DGKB: variants seen among roughly 807,000 people sequenced by gnomAD.
DGKB encodes the protein diacylglycerol kinase beta, also known as 90 kDa diacylglycerol kinase.
A neutral mutation model predicts 114.3 loss-of-function variants in DGKB; 67 were observed. The observed-to-expected ratio is 0.59, with a 90% confidence interval of 0.48 to 0.72. The LOEUF (loss-of-function observed/expected upper bound fraction) is 0.72, where lower values mean the gene tolerates loss of function less well. DGKB is among the 30% of genes least tolerant of loss of function. DGKB has a pLI of 0.00. For missense variants in DGKB, 907 were observed against 975.2 expected (o/e 0.93, Z 0.93); for synonymous variants, 398 against 323.1 (o/e 1.23, Z -2.49).
At chr7:14,324,901 C>T (rs974123830) in intron 23 of DGKB, among the ~76,000 whole-genome samples, 7 of 152,130 alleles carry the variant, frequency 4.6e-5, no homozygotes, top group African/African-American at 1.7e-4. Context: ...TAAACAAAAT[C>T]ATAGAACTCT....
intron 23 of DGKB, among the ~76,000 whole-genome samples, chr7:14,270,842 G>A (rs538537332): frequency 1.3e-5 from 2 of 152,042 alleles, no homozygotes. Flanking sequence ...AGGGGGGTGG[G>A]GTAGAAGGGT....
At chr7:14,615,692 C>T (rs1296747426) in intron 15 of DGKB, among the ~76,000 whole-genome samples, 1 of 151,708 alleles carries the variant, frequency 6.6e-6, no homozygotes. Context: ...AATCAATTAG[C>T]AACCATTATT....
intron 21 of DGKB, among the ~76,000 whole-genome samples, chr7:14,433,779 A>AT (rs1357383220): frequency 1.3e-5 from 2 of 151,776 alleles, no homozygotes; most frequent in African/African-American, 2.4e-5. Context: ...TGGATTTCAC[A>AT]TTTTTTTCTG....
chr7:14,397,708 T>C (rs12699614), intron 21 of DGKB, among the ~76,000 whole-genome samples: 16,507 of 152,158 alleles, frequency 0.11, 1,082 homozygotes, highest in East Asian at 0.24. Context: ...CACTTTTGTT[T>C]GGTTACGTTT....
At chr7:14,285,341 C>A (rs1327218853) in intron 23 of DGKB, among the ~76,000 whole-genome samples, 1 of 152,096 alleles carries the variant, frequency 6.6e-6, no homozygotes, top group Non-Finnish European at 1.5e-5. Context: ...AATAGAGGGG[C>A]TACAAATTAC....
chr7:14,423,692 A>G (rs1162009795), intron 21 of DGKB, among the ~76,000 whole-genome samples: 2 of 152,140 alleles, frequency 1.3e-5, no homozygotes, highest in African/African-American at 2.4e-5. Flanking sequence ...CGAAGTTAAC[A>G]GAGATAATTG....
At chr7:14,276,625 A>C (rs2128444391) in intron 23 of DGKB, among the ~76,000 whole-genome samples, 1 of 152,052 alleles carries the variant, frequency 6.6e-6, no homozygotes, top group East Asian at 1.9e-4. Flanking sequence ...ATCATGCCTA[A>C]ATTGCATTAC....
chr7:14,450,090 A>T (rs997367402), intron 21 of DGKB, among the ~76,000 whole-genome samples: 12 of 152,100 alleles, frequency 7.9e-5, no homozygotes, highest in African/African-American at 2.4e-4. Context: ...ATTAAAAAAA[A>T]ATAAGCTATG....
At chr7:14,296,037 CATT>C (rs1329238948) in intron 23 of DGKB, among the ~76,000 whole-genome samples, 1 of 96,152 alleles carries the variant, frequency 1.0e-5, no homozygotes, top group African/African-American at 3.4e-5. Context: ...GTCATGAACT[CATT>C]TTTTTTTTTT....
intron 23 of DGKB, among the ~76,000 whole-genome samples, chr7:14,274,031 A>T (rs1798639263): frequency 1.3e-5 from 2 of 152,212 alleles, no homozygotes; most frequent in Non-Finnish European, 2.9e-5. Flanking sequence ...ACCTCATGAC[A>T]AATGTCCCTT....
intron 20 of DGKB, among the ~76,000 whole-genome samples, chr7:14,511,172 C>T (rs547878068): frequency 6.6e-6 from 1 of 152,288 alleles, no homozygotes; most frequent in East Asian, 1.9e-4. Flanking sequence ...CATGTACTGG[C>T]CTCTTTTCTC....
At position 14,665,271 on chromosome 7, in the gene DGKB, A is replaced by G. The variant is rs1407490189; in HGVS notation, c.1134+7658T>C. Among the ~76,000 whole-genome samples, 3 of 151,988 alleles carry G rather than the reference A, an allele frequency of 2.0e-5. No individual in the cohort carries two copies. In the East Asian group the frequency reaches 5.8e-4, roughly 29 times the overall value. ...TAAAGGCCATTTTCCTTAGGAAACT[A>G]ATGTAGGAACAGAAAACCAAATACC... On this transcript the variant is annotated intron_variant, in intron 13 of 25. Transcript: ENST00000402815.
chr7:14,644,882 G>A (rs892037405), intron 13 of DGKB, among the ~76,000 whole-genome samples: 4 of 152,126 alleles, frequency 2.6e-5, no homozygotes, highest in African/African-American at 4.8e-5. Context: ...AATTAAAAAG[G>A]TCCTATCGAT....
intron 21 of DGKB, among the ~76,000 whole-genome samples, chr7:14,421,079 AC>A (rs1450787542): frequency 6.6e-6 from 1 of 152,040 alleles, no homozygotes; most frequent in African/African-American, 2.4e-5. Context: ...CCAGAGTCAA[AC>A]CTCCACTTCC....
At chr7:14,898,866 T>C (rs531105129) in intron 1 of DGKB, among the ~76,000 whole-genome samples, 1 of 152,282 alleles carries the variant, frequency 6.6e-6, no homozygotes, top group South Asian at 2.1e-4. Flanking sequence ...GATCGGCATA[T>C]TGCCAATCAA....
chr7:14,794,806 GCCTCT>G (rs1186931866), intron 2 of DGKB, among the ~76,000 whole-genome samples: 2 of 152,154 alleles, frequency 1.3e-5, no homozygotes, highest in Non-Finnish European at 2.9e-5. Context: ...TGGACATTGA[GCCTCT>G]AAGTTCTGAT....
intron 1 of DGKB, among the ~76,000 whole-genome samples, chr7:14,967,834 C>A (rs1787250760): frequency 2.0e-5 from 3 of 151,636 alleles, no homozygotes; most frequent in Admixed American, 2.0e-4. Context: ...TAATGAATTG[C>A]AGTAGAAAAT....
intron 5 of DGKB, among the ~76,000 whole-genome samples, chr7:14,720,877 A>C (rs899058621): frequency 3.0e-4 from 46 of 152,106 alleles, no homozygotes; most frequent in African/African-American, 1.0e-3. Flanking sequence ...GACCGGAATA[A>C]TTGAAACTAG....
intron 13 of DGKB, among the ~76,000 whole-genome samples, chr7:14,663,251 A>C (rs910745984): frequency 1.3e-5 from 2 of 152,082 alleles, no homozygotes; most frequent in Admixed American, 1.3e-4. Flanking sequence ...CATTCTCTTC[A>C]GTGTCTGGTG....
Sources: allele counts gnomAD v4.1 joint callset (sites outside exome capture counted in the v4.1 genomes callset), GRCh38; gene constraint gnomAD v4.1.1; transcripts MANE v1.5; gene names NCBI Gene and HGNC (gene_info 2026-07-23, HGNC 2026-07-21).